SLC4A9: variants seen among roughly 807,000 people sequenced by gnomAD.
SLC4A9 encodes the protein anion exchange protein 4.
SLC4A9 carries 102 observed loss-of-function variants against 103.2 expected under a neutral mutation model. The observed-to-expected ratio is 0.99, with a 90% CI of 0.84 to 1.17. The LOEUF (loss-of-function observed/expected upper bound fraction) is 1.17, where lower values mean the gene tolerates loss of function less well. Among genes scored for constraint, SLC4A9 ranks in the 50% most tolerant of loss-of-function variants. The probability of loss-of-function intolerance (pLI) is 0.00; values close to 1 mark genes in which losing one functional copy is unlikely to be tolerated. For synonymous variants in SLC4A9, 453 were observed against 483.6 expected, an observed-to-expected ratio of 0.94 and a Z score of 0.83; for missense variants, 1,091 against 1,193.7, an observed-to-expected ratio of 0.91 and a Z score of 1.27.
chr5:140,364,210 C>T (rs937861256), intron 10 of SLC4A9, 23 bp downstream of exon 10: 51 of 1,564,006 alleles, frequency 3.3e-5, no homozygotes, highest in Non-Finnish European at 4.2e-5. Context: ...CCCCCATCAC[C>T]GGACCCTCAC....
chr5:140,370,936 G>T, intron 17 of SLC4A9, 159 bp from the exon 18 acceptor site: 2 of 592,504 alleles, frequency 3.4e-6, no homozygotes. Context: ...ATTGATTTGA[G>T]GATTCAATAA....
chr5:140,364,001 C>T, intron 9 of SLC4A9, 53 bp from the exon 10 acceptor site: 8 of 1,535,486 alleles, frequency 5.2e-6, no homozygotes, highest in Non-Finnish European at 7.0e-6. Context: ...CCCAAAGCTT[C>T]AAAGGACCCC....
intron 17 of SLC4A9, among the ~76,000 whole-genome samples, chr5:140,370,547 TA>T (rs1446926521): frequency 6.7e-6 from 1 of 149,498 alleles, no homozygotes; most frequent in Non-Finnish European, 1.5e-5. Context: ...CTGTGAAAAA[TA>T]AAAGAAGATA....
chr5:140,372,120 C>A, intron 19 of SLC4A9, 122 bp from the exon 20 acceptor site: 1 of 895,088 alleles, frequency 1.1e-6, no homozygotes, highest in Non-Finnish European at 1.6e-6. Flanking sequence ...TAGGAATGTG[C>A]TAGCATTCAG....
Position 140,363,982 on chromosome 5 carries a change from G to A in SLC4A9, c.1255-72G>A. The A allele has an allele frequency of 6.4e-7, 1 of 1,556,992 alleles. No homozygotes were observed. Among genetic ancestry groups the A allele is most frequent in the Non-Finnish European group, 8.7e-7 (1 of 1,150,546 alleles). On this transcript the variant is annotated intron_variant, in intron 9 of 21. Transcript: ENST00000506757. The surrounding 1 kb of genome is among the most constrained non-coding windows in gnomAD (Gnocchi z 4.5). ...TCCCCTGGGACTATGGGTAAGTTAAGGAGGCTCTCCCAAAGCTTCAAAGGA... is the reference window on the plus strand; with the variant it reads ...TCCCCTGGGACTATGGGTAAGTTAAAGAGGCTCTCCCAAAGCTTCAAAGGA...
At chr5:140,372,542 C>T in intron 20 of SLC4A9, 145 bp downstream of exon 20, 1 of 1,463,582 alleles carries the variant, frequency 6.8e-7, no homozygotes, top group Non-Finnish European at 9.0e-7. Flanking sequence ...TGGACATAGG[C>T]AGACTGAAGG....
Position 140,360,303 on chromosome 5 carries a change from G to A in SLC4A9, c.67G>A (p.Gly23Arg). The A allele has an allele frequency of 2.5e-6, 4 of 1,612,344 alleles. No individual in the cohort carries two copies. The highest frequency in any genetic ancestry group is 2.5e-6 in the Non-Finnish European group (3 of 1,179,232). ...ASSAPRNIPS[G>R]ELDSNPDPGT... ...CAGTGCTCCTAGAAATATTCCTTCA[G>A]GGGAGCTGGACAGCAACCCTGACCC... Residue 23 changes from glycine to arginine, a missense_variant, in exon 1 of 22, where the codon GGG becomes AGG. Transcript: ENST00000506757.
Position 140,360,882 on chromosome 5 carries a change from G to A in SLC4A9, c.301G>A (p.Ala101Thr), listed in dbSNP as rs1376187519. 1.3e-5 allele frequency: 21 copies of A among 1,610,972 alleles called. No homozygotes were observed. Among genetic ancestry groups the A allele is most frequent in the Non-Finnish European group, 1.8e-5 (21 of 1,179,142 alleles). Residue 101 changes from alanine to threonine, a missense_variant, in exon 2 of 22, where the codon GCA becomes ACA. Physicochemically the swap from Ala to Thr is moderately conservative, Grantham distance 58 (BLOSUM62 0). Transcript: ENST00000506757. Reference protein sequence around the residue: ...RWSAPHVPTLALPSLQKLRSL... With the variant: ...RWSAPHVPTLTLPSLQKLRSL... ...GAGTGCCCCCCACGTGCCCACCCTG[G>A]CACTGCCCAGCCTCCAGAAGCTCCG...
intron 17 of SLC4A9, 110 bp from the exon 18 acceptor site, chr5:140,370,985 G>A (rs1768630563): frequency 2.3e-6 from 2 of 882,726 alleles, no homozygotes; most frequent in South Asian, 1.5e-5. Flanking sequence ...GCAAGGCCTG[G>A]GCAGACCTGG....
chr5:140,366,167 G>A lies in SLC4A9; in HGVS notation c.1916G>A (p.Ser639Asn). ...FFPSVVRKGLSDFSSVLAILL... is the reference protein window; with the variant it reads ...FFPSVVRKGLNDFSSVLAILL... ...GTGTGCCAGGTGCGCAAAGGGCTCA[G>A]CGACTTCTCCTCAGTCCTGGCCATC... The change falls in exon 14 of 22, where the codon AGC (serine) becomes AAC (asparagine). Residue 639 changes from serine to asparagine, a missense_variant. Transcript: ENST00000506757. 1 of 1,613,508 alleles carries A rather than the reference G, an allele frequency of 6.2e-7. No individual in the cohort carries two copies. The highest frequency in any genetic ancestry group is 8.5e-7 in the Non-Finnish European group (1 of 1,179,614).
intron 11 of SLC4A9, 125 bp from the exon 12 acceptor site, chr5:140,365,395 C>A: frequency 1.3e-6 from 1 of 752,196 alleles, no homozygotes. Context: ...GTGATAGAGT[C>A]AGCAGACAGA....
At position 140,363,198 on chromosome 5, in the gene SLC4A9, A is replaced by G. The variant is rs1046306830; in HGVS notation, c.962+132A>G. The G allele has an allele frequency of 2.5e-6, 3 of 1,212,372 alleles. No individual in the cohort carries two copies. In the African/African-American group the frequency reaches 4.7e-5, roughly 19 times the overall value. The allele number at this position is 1,212,372 out of a possible 1,614,324, so 75.1% of individuals were successfully genotyped here. The stretch of plus-strand genomic sequence containing the variant: ...TTTGGATTTGGAGTCAGGCAGACCT[A>G]ACTCTGAGTTCTGCTGGACTACTCT... On this transcript the variant is annotated intron_variant, in intron 7 of 21. Transcript: ENST00000506757. The surrounding 1 kb of genome is among the most constrained non-coding windows in gnomAD (Gnocchi z 4.5).
intron 18 of SLC4A9, 29 bp downstream of exon 18, chr5:140,371,192 G>C: frequency 6.3e-7 from 1 of 1,582,058 alleles, no homozygotes; most frequent in Non-Finnish European, 8.6e-7. Context: ...CCTAACAAAA[G>C]AAAAAAGAAG....
chr5:140,361,093 T>C (rs1368921723), intron 2 of SLC4A9, 121 bp downstream of exon 2: 1 of 1,202,596 alleles, frequency 8.3e-7, no homozygotes, highest in African/African-American at 1.5e-5. Flanking sequence ...TGTCTACCCT[T>C]GTCACAGGGT....
At chr5:140,367,964 CAG>C (rs1224933224) in intron 16 of SLC4A9, 66 bp downstream of exon 16, 12 of 1,547,084 alleles carry the variant, frequency 7.8e-6, no homozygotes, top group Admixed American at 1.7e-5. Flanking sequence ...GGGAACATGG[CAG>C]AGTTACTTGG....
chr5:140,363,725 G>C lies in SLC4A9; in HGVS notation c.1080-3G>C. 1 of 1,613,672 alleles carries C rather than the reference G, an allele frequency of 6.2e-7. No individual in the cohort carries two copies. Among genetic ancestry groups the C allele is most frequent in the Non-Finnish European group, 8.5e-7 (1 of 1,179,716 alleles). On this transcript the variant is annotated splice_region_variant and splice_polypyrimidine_tract_variant and intron_variant, in intron 8 of 21. Transcript: ENST00000506757. The surrounding 1 kb of genome is among the most constrained non-coding windows in gnomAD (Gnocchi z 4.5). ...TGGATCACTGACGACCCTCGGGCGG[G>C]AGGCTGTTTGGGGGCCTTATCCAGG...
At chr5:140,370,907 A>G in intron 17 of SLC4A9, 188 bp from the exon 18 acceptor site, 1 of 570,344 alleles carries the variant, frequency 1.8e-6, no homozygotes, top group African/African-American at 1.9e-5. Flanking sequence ...GAAGGCAATA[A>G]TAACATTTAC....
intron 14 of SLC4A9, among the ~76,000 whole-genome samples, chr5:140,366,502 T>A (rs1358205793): frequency 1.3e-5 from 2 of 152,164 alleles, no homozygotes; most frequent in African/African-American, 4.8e-5. Flanking sequence ...GTTAAGAGAA[T>A]GGGTTCTGAT....
At chr5:140,367,296 A>G (rs1391340106) in intron 14 of SLC4A9, 124 bp from the exon 15 acceptor site, 2 of 1,174,526 alleles carry the variant, frequency 1.7e-6, no homozygotes, top group Non-Finnish European at 2.4e-6. Context: ...ATGCACACAC[A>G]GCCCACTAGC....
Sources: allele counts gnomAD v4.1 joint callset (sites outside exome capture counted in the v4.1 genomes callset), GRCh38; gene constraint gnomAD v4.1.1; non-coding constraint Gnocchi (gnomAD v3.1); transcripts MANE v1.5; gene names NCBI Gene and HGNC (gene_info 2026-07-23, HGNC 2026-07-21).